The following TMEFF1 variants were observed in gnomAD, a reference collection of about 807,000 sequenced individuals.
TMEFF1 encodes transmembrane protein with EGF like and two follistatin like domains 1.
In TMEFF1, 20 loss-of-function variants were observed where a neutral mutation model predicts 47.5. The ratio of observed to expected loss-of-function variants is 0.42; its 90% CI spans 0.30 to 0.61. The LOEUF (loss-of-function observed/expected upper bound fraction) is 0.61, where lower values mean the gene tolerates loss of function less well. Among genes scored for constraint, TMEFF1 ranks in the 20% least tolerant of loss-of-function variants. TMEFF1 has a pLI of 0.19. For synonymous variants in TMEFF1, 162 were observed against 166.3 expected (o/e 0.97, Z 0.20); for missense variants, 411 against 471.1 (o/e 0.87, Z 1.18).
At chr9:100,539,646 G>A (rs1838589406) in intron 5 of TMEFF1, among the ~76,000 whole-genome samples, 1 of 152,174 alleles carries the variant, frequency 6.6e-6, no homozygotes, top group Non-Finnish European at 1.5e-5. Flanking sequence ...GCTCATAAAG[G>A]TGGCGCGGAC....
At chr9:100,493,219 A>G (rs1200758470) in intron 1 of TMEFF1, among the ~76,000 whole-genome samples, 1 of 152,162 alleles carries the variant, frequency 6.6e-6, no homozygotes, top group Non-Finnish European at 1.5e-5. Context: ...TCCCTACAAC[A>G]AAGAATTATC....
Position 100,577,286 on chromosome 9 carries a change from C to G in TMEFF1, c.*686C>G, listed in dbSNP as rs555928049. On this transcript the variant is annotated 3_prime_UTR_variant, in exon 10 of 10. Transcript: ENST00000374879. Reference sequence around the variant, plus strand: ...AATAAAGCCTATTCTACCAGTTAAACTACTTTAATACACATTCATTTTTAA... The same window carrying G: ...AATAAAGCCTATTCTACCAGTTAAAGTACTTTAATACACATTCATTTTTAA... 33 of 152,686 alleles carry G rather than the reference C, an allele frequency of 2.2e-4. No homozygotes were observed. The highest frequency in any genetic ancestry group is 7.5e-4 in the African/African-American group (31 of 41,576). The allele number at this position is 152,686 out of a possible 1,614,324, so 9.5% of individuals were successfully genotyped here. A position where few individuals can be genotyped will look rare whatever the true frequency, so the allele number is the denominator to read the frequency against.
At chr9:100,542,111 CT>C (rs1217410988) in intron 5 of TMEFF1, among the ~76,000 whole-genome samples, 1 of 150,498 alleles carries the variant, frequency 6.6e-6, no homozygotes, top group Non-Finnish European at 1.5e-5. Flanking sequence ...CCTTTCTTGC[CT>C]TTTTTGGATT....
intron 7 of TMEFF1, among the ~76,000 whole-genome samples, chr9:100,553,113 A>G (rs1280003698): frequency 6.6e-6 from 1 of 152,174 alleles, no homozygotes; most frequent in Non-Finnish European, 1.5e-5. Context: ...TTAAAAAACT[A>G]CAGAAAGGTA....
intron 5 of TMEFF1, among the ~76,000 whole-genome samples, chr9:100,538,154 A>G (rs1221533265): frequency 6.6e-6 from 1 of 151,986 alleles, no homozygotes; most frequent in African/African-American, 2.4e-5. Context: ...CTGGGTTCAA[A>G]TGATTCTCCT....
intron 5 of TMEFF1, among the ~76,000 whole-genome samples, chr9:100,529,346 C>T (rs1390073812): frequency 6.6e-6 from 1 of 151,054 alleles, no homozygotes; most frequent in African/African-American, 2.4e-5. Flanking sequence ...TCAGGAAACC[C>T]ATCTCATGTG....
Position 100,530,835 on chromosome 9 carries a change from CAAT to C in TMEFF1, c.560+14067_560+14069del, listed in dbSNP as rs1204840298. 3.3e-5 allele frequency among the ~76,000 whole-genome samples: 5 copies of C among 151,960 alleles called. No individual in the cohort carries two copies. In the East Asian group the frequency reaches 9.6e-4, roughly 29 times the overall value. The stretch of plus-strand genomic sequence containing the variant: ...TGATGAACATTGATGCAAAAATCCT[CAAT>C]AAAATACTGGCAAAACGAATCCAGC... On this transcript the variant is annotated intron_variant, in intron 5 of 9. Transcript: ENST00000374879.
At chr9:100,496,520 G>A (rs763694225) in intron 1 of TMEFF1, among the ~76,000 whole-genome samples, 91 of 152,234 alleles carry the variant, frequency 6.0e-4, no homozygotes, top group Non-Finnish European at 9.8e-4. Flanking sequence ...GATTACAGGC[G>A]TGAGCCACCA....
chr9:100,519,109 T>G (rs1220864766), intron 5 of TMEFF1, among the ~76,000 whole-genome samples: 1 of 152,198 alleles, frequency 6.6e-6, no homozygotes, highest in Non-Finnish European at 1.5e-5. Context: ...AGTATTAAGG[T>G]AGGATCTTAA....
intron 6 of TMEFF1, among the ~76,000 whole-genome samples, chr9:100,549,203 A>G (rs1306373990): frequency 2.0e-5 from 3 of 152,186 alleles, no homozygotes; most frequent in Non-Finnish European, 4.4e-5. Context: ...AAACACAATC[A>G]TGGTAGATGG....
In TMEFF1 at chr9:100,561,618, A is replaced by G. The variant is rs995801789; in HGVS notation, c.899+98A>G. The G allele has an allele frequency of 5.1e-6, 7 of 1,379,980 alleles. No individual in the cohort carries two copies. The African/African-American group carries it at 1.0e-4, about 20-fold the overall frequency. The allele number at this position is 1,379,980 out of a possible 1,614,324, so 85.5% of individuals were successfully genotyped here. ...AAATGTAGACTAAATATTACCAGAA[A>G]GTAGTGTTTATTTGCAGTAGACAAG... is the stretch of plus-strand genomic sequence containing the variant. On this transcript the variant is annotated intron_variant, in intron 8 of 9. Transcript: ENST00000374879.
intron 5 of TMEFF1, among the ~76,000 whole-genome samples, chr9:100,536,356 G>T (rs1413509820): frequency 1.3e-5 from 2 of 152,130 alleles, no homozygotes; most frequent in Non-Finnish European, 2.9e-5. Flanking sequence ...AGTGGTTATT[G>T]CATGATTTTT....
intron 5 of TMEFF1, 62 bp downstream of exon 5, chr9:100,516,833 T>C: frequency 6.4e-7 from 1 of 1,556,236 alleles, no homozygotes; most frequent in South Asian, 1.2e-5. Flanking sequence ...ATGATTATAT[T>C]GTGGAAAGGT....
chr9:100,540,290 G>A (rs146536141), intron 5 of TMEFF1, among the ~76,000 whole-genome samples: 1 of 152,328 alleles, frequency 6.6e-6, no homozygotes, highest in Non-Finnish European at 1.5e-5. Flanking sequence ...TAGACACAGA[G>A]TGTTGATTGG....
intron 5 of TMEFF1, among the ~76,000 whole-genome samples, chr9:100,545,591 G>C (rs2079956216): frequency 6.6e-6 from 1 of 152,200 alleles, no homozygotes; most frequent in Non-Finnish European, 1.5e-5. Context: ...TTGTTTTGGG[G>C]ATTAACATTC....
rs547978580 is a variant in TMEFF1 at position 100,541,667 on chromosome 9, C to T, written c.561-6077C>T. On this transcript the variant is annotated intron_variant, in intron 5 of 9. Coordinates refer to ENST00000374879, the MANE Select transcript of TMEFF1 (RefSeq NM_003692.5). Reference sequence around the variant, plus strand: ...GATTGATTACAGGTATGAGCCACCACGCCTGGCCAGATTTGGCAATTTCTT... The same window carrying T: ...GATTGATTACAGGTATGAGCCACCATGCCTGGCCAGATTTGGCAATTTCTT... 9.2e-5 allele frequency among the ~76,000 whole-genome samples: 14 copies of T among 152,108 alleles called. No individual in the cohort carries two copies. In the South Asian group the frequency reaches 1.5e-3, roughly 16 times the overall value.
In TMEFF1 at chr9:100,502,476, C is replaced by T. The variant is rs549735293; in HGVS notation, c.306+3602C>T. 9.4e-4 allele frequency among the ~76,000 whole-genome samples: 143 copies of T among 152,116 alleles called. 1 individual carries two copies. The highest frequency in any genetic ancestry group is 3.4e-3 in the African/African-American group (140 of 41,486). ...CTGGGCTCAAATGATCTTCCCACCC[C>T]AGCCTCCTGAGTAGCTGGGACAGCA... On this transcript the variant is annotated intron_variant, in intron 2 of 9. Transcript: ENST00000374879.
At chr9:100,572,113 T>A (rs1212351303) in intron 8 of TMEFF1, among the ~76,000 whole-genome samples, 4 of 152,090 alleles carry the variant, frequency 2.6e-5, no homozygotes, top group African/African-American at 9.7e-5. Flanking sequence ...GGGGGATCCC[T>A]GTTGTACATG....
chr9:100,528,058 C>T (rs1162198280), intron 5 of TMEFF1, among the ~76,000 whole-genome samples: 1 of 151,832 alleles, frequency 6.6e-6, no homozygotes, highest in Non-Finnish European at 1.5e-5. Context: ...AACTAACAAA[C>T]AGAAAGGACA....
Sources: allele counts gnomAD v4.1 joint callset (sites outside exome capture counted in the v4.1 genomes callset), GRCh38; gene constraint gnomAD v4.1.1; transcripts MANE v1.5; gene names NCBI Gene and HGNC (gene_info 2026-07-23, HGNC 2026-07-21).